TMIE: variants seen among roughly 807,000 people sequenced by gnomAD.
TMIE encodes the protein transmembrane inner ear expressed protein.
Under a neutral mutation model 16.8 loss-of-function variants are expected in TMIE, and 14 were observed. The observed-to-expected ratio is 0.83, with a 90% CI of 0.55 to 1.30. The LOEUF is 1.30. TMIE is among the 50% of genes most tolerant of loss of function. The pLI is 0.00. For synonymous variants in TMIE, 75 were observed against 87.2 expected, an observed-to-expected ratio of 0.86 and a Z score of 0.78; for missense variants, 204 against 205.9, an observed-to-expected ratio of 0.99 and a Z score of 0.06.
chr3:46,700,581 C>T (rs1196362485), upstream of TMIE, among the ~76,000 whole-genome samples: 2 of 152,164 alleles, frequency 1.3e-5, no homozygotes, highest in Non-Finnish European at 2.9e-5. Context: ...TCTACCAACT[C>T]CAGGCCTCCC....
At chr3:46,701,120 AC>A (rs1264346485), upstream of TMIE, among the ~76,000 whole-genome samples, 15 of 146,326 alleles carry the variant, frequency 1.0e-4, no homozygotes, top group African/African-American at 3.3e-4. This position sits in a 1 kb window ranked among gnomAD's most constrained non-coding sequence, Gnocchi z 4.3. Flanking sequence ...TTCCAGTCCC[AC>A]CCCCTTGTCC....
intron 1 of TMIE, 53 bp from the exon 2 acceptor site, chr3:46,705,737 G>T: frequency 6.5e-7 from 1 of 1,544,952 alleles, no homozygotes. Context: ...TTCTCAGCTG[G>T]TTCCAGCCAG....
chr3:46,709,271 A>T lies in TMIE; in HGVS notation c.357A>T (p.Pro119=). The change falls in exon 3 of 4, where the codon CCA becomes CCT. Residue 119 remains proline, a synonymous_variant. Coordinates refer to ENST00000643606, the MANE Select transcript of TMIE (RefSeq NM_147196.3). The stretch of plus-strand genomic sequence containing the variant: ...CCCTCAATGAGCTCACAGAAGTCCC[A>T]GGAGGTGAGTTGGCCCTGGCTTGAG... ...VPPLNELTEV[P]GEDKKKKKKK... is the part of the protein sequence containing the mutation. The T allele has an allele frequency of 6.2e-7, 1 of 1,614,052 alleles. No homozygotes were observed. The highest frequency in any genetic ancestry group is 8.5e-7 in the Non-Finnish European group (1 of 1,180,024).
At chr3:46,697,431 G>C (rs1213465927), upstream of TMIE, among the ~76,000 whole-genome samples, 1 of 152,244 alleles carries the variant, frequency 6.6e-6, no homozygotes, top group Admixed American at 6.5e-5. Context: ...AGGGTTCAGA[G>C]GGCTTCTGAA....
At chr3:46,708,305 G>A (rs1700577007) in intron 2 of TMIE, among the ~76,000 whole-genome samples, 1 of 152,164 alleles carries the variant, frequency 6.6e-6, no homozygotes, top group African/African-American at 2.4e-5. Context: ...AATCCTCCGT[G>A]GGCCCTTCTG....
At chr3:46,703,894 G>A (rs1050561036) in intron 1 of TMIE, among the ~76,000 whole-genome samples, 11 of 152,162 alleles carry the variant, frequency 7.2e-5, no homozygotes, top group African/African-American at 1.9e-4. Context: ...GGGACTTCTC[G>A]TGTCTGTCCT....
chr3:46,709,029 A>G (rs1484115700), intron 2 of TMIE, 97 bp from the exon 3 acceptor site: 1 of 1,511,302 alleles, frequency 6.6e-7, no homozygotes, highest in Non-Finnish European at 9.1e-7. Context: ...GGTGAGACAC[A>G]TGTGGGTGGA....
At chr3:46,695,351 CA>C (rs1197601196) in intron 1 of TMIE, among the ~76,000 whole-genome samples, 1 of 152,174 alleles carries the variant, frequency 6.6e-6, no homozygotes, top group Non-Finnish European at 1.5e-5. Flanking sequence ...GCTGTGTGAT[CA>C]CAGGCAGTGT....
At chr3:46,696,866 A>G (rs78367128), upstream of TMIE, among the ~76,000 whole-genome samples, 564 of 152,270 alleles carry the variant, frequency 3.7e-3, 2 homozygotes, top group African/African-American at 0.013. Context: ...TCCAGGGAGC[A>G]AGGGTGGGGG....
chr3:46,708,540 C>T (rs949272026), intron 2 of TMIE, among the ~76,000 whole-genome samples: 3 of 152,242 alleles, frequency 2.0e-5, no homozygotes, highest in Non-Finnish European at 2.9e-5. Flanking sequence ...TGCCCTCAGC[C>T]GGAAAACCAC....
At chr3:46,701,282 A>C, upstream of TMIE, 3 of 405,514 alleles carry the variant, frequency 7.4e-6, no homozygotes, top group African/African-American at 2.1e-5. This position sits in a 1 kb window ranked among gnomAD's most constrained non-coding sequence, Gnocchi z 4.3. Context: ...CTGCGGCCCG[A>C]TCTCCCGGGA....
In TMIE at chr3:46,709,813, C is replaced by A; in HGVS notation, c.*125C>A. The A allele has an allele frequency of 6.4e-7, 1 of 1,557,242 alleles. No homozygotes were observed. Among genetic ancestry groups the A allele is most frequent in the Non-Finnish European group, 8.7e-7 (1 of 1,148,822 alleles). On this transcript the variant is annotated 3_prime_UTR_variant, in exon 4 of 4. Transcript: ENST00000643606. ...TGTGGTCAGAGAGGGAAGCTGAGGC[C>A]CATGGCCACATCCTCATGGCCCATC... is the stretch of plus-strand genomic sequence containing the variant.
At chr3:46,699,389 A>G (rs1700444801), upstream of TMIE, among the ~76,000 whole-genome samples, 1 of 152,150 alleles carries the variant, frequency 6.6e-6, no homozygotes, top group African/African-American at 2.4e-5. Flanking sequence ...TTTCTCATAC[A>G]TTTGTAGCTT....
upstream of TMIE, among the ~76,000 whole-genome samples, chr3:46,700,700 A>G (rs1700460127): frequency 6.6e-6 from 1 of 152,110 alleles, no homozygotes; most frequent in South Asian, 2.1e-4. Context: ...GCCAGAGTGC[A>G]GTGTGGGTCA....
At chr3:46,707,529 C>T (rs373198046) in intron 2 of TMIE, among the ~76,000 whole-genome samples, 28 of 152,288 alleles carry the variant, frequency 1.8e-4, no homozygotes, top group African/African-American at 6.5e-4. Flanking sequence ...GTTATTGGAG[C>T]ATCACCCCCA....
At chr3:46,709,379 G>C in intron 3 of TMIE, 104 bp downstream of exon 3, 2 of 1,603,954 alleles carry the variant, frequency 1.2e-6, no homozygotes, top group African/African-American at 1.3e-5. Context: ...GTTCAGGGAG[G>C]GGCCCCAGCC....
chr3:46,707,766 AG>A (rs1700570255), intron 2 of TMIE, among the ~76,000 whole-genome samples: 1 of 152,188 alleles, frequency 6.6e-6, no homozygotes, highest in Admixed American at 6.5e-5. Context: ...TGGCCCACTG[AG>A]CTCCTTAGGA....
At chr3:46,696,027 GCAGCA>G (rs1700409320) in intron 1 of TMIE, among the ~76,000 whole-genome samples, 1 of 152,124 alleles carries the variant, frequency 6.6e-6, no homozygotes, top group Non-Finnish European at 1.5e-5. Flanking sequence ...TCAGTCCCCT[GCAGCA>G]CAGCCAAGGG....
intron 2 of TMIE, among the ~76,000 whole-genome samples, chr3:46,707,410 G>A (rs924981643): frequency 2.0e-5 from 3 of 152,216 alleles, no homozygotes; most frequent in Non-Finnish European, 2.9e-5. Flanking sequence ...AGACACCTGA[G>A]CAGCAGGCAG....
Sources: allele counts gnomAD v4.1 joint callset (sites outside exome capture counted in the v4.1 genomes callset), GRCh38; gene constraint gnomAD v4.1.1; non-coding constraint Gnocchi (gnomAD v3.1); transcripts MANE v1.5; gene names NCBI Gene and HGNC (gene_info 2026-07-23, HGNC 2026-07-21).